The following THRA variants were observed in gnomAD, a reference collection of about 807,000 sequenced individuals.
THRA encodes the protein thyroid hormone receptor alpha, also known as EAR-7.
In THRA, 13 loss-of-function variants were observed where a neutral mutation model predicts 45.0. The observed-to-expected ratio is 0.29, with a 90% confidence interval of 0.19 to 0.46. The LOEUF (loss-of-function observed/expected upper bound fraction) is 0.46, where lower values mean the gene tolerates loss of function less well. Ranked by LOEUF, THRA falls within the 20% of genes least tolerant of loss-of-function variation. The probability of loss-of-function intolerance (pLI) is 1.00; values close to 1 mark genes in which losing one functional copy is unlikely to be tolerated. For missense variants in THRA, 278 were observed against 556.1 expected (o/e 0.50, Z 5.03); for synonymous variants, 195 against 214.0 (o/e 0.91, Z 0.78).
intron 7 of THRA, among the ~76,000 whole-genome samples, chr17:40,087,343 CACAG>C (rs2145082900): frequency 6.7e-6 from 1 of 148,574 alleles, no homozygotes; most frequent in African/African-American, 2.5e-5. Flanking sequence ...ACACCTAGCA[CACAG>C]ACACACAGAT....
At chr17:40,084,998 T>C (rs886803241) in intron 6 of THRA, among the ~76,000 whole-genome samples, 183 bp downstream of exon 6, 1 of 152,232 alleles carries the variant, frequency 6.6e-6, no homozygotes, top group African/African-American at 2.4e-5. Flanking sequence ...CTGGACTGTC[T>C]ACTCCATCCA....
intron 4 of THRA, among the ~76,000 whole-genome samples, chr17:40,079,411 A>AT (rs1987062877): frequency 1.3e-5 from 2 of 151,988 alleles, no homozygotes; most frequent in Non-Finnish European, 2.9e-5. Flanking sequence ...AGCCTGGCTA[A>AT]TTTTTGTATT....
rs1329640649 is a variant in THRA, at chr17:40,089,072, C to T, written c.983-134C>T. ...TGTCCACGTCTCTCAGGGGGAGCTT[C>T]TCCCCTCCCCTCCCCCAGCCTCTCT... is the stretch of plus-strand genomic sequence containing the variant. On this transcript the variant is annotated intron_variant, in intron 8 of 8. Coordinates refer to ENST00000450525, the MANE Select transcript of THRA (RefSeq NM_199334.5). The surrounding 1 kb of genome is among the most constrained non-coding windows in gnomAD (Gnocchi z 6.1). The T allele has an allele frequency of 1.1e-5, 7 of 631,026 alleles. No homozygotes were observed. Among genetic ancestry groups the T allele is most frequent in the African/African-American group, 2.0e-5 (1 of 51,190 alleles). 39.1% of individuals were successfully genotyped at this position (631,026 alleles called of 1,614,324 possible). A position where few individuals can be genotyped will look rare whatever the true frequency, so the allele number is the denominator to read the frequency against.
intron 1 of THRA, chr17:40,068,806 C>CT (rs1348108580): frequency 7.9e-5 from 12 of 152,380 alleles, no homozygotes; most frequent in African/African-American, 2.9e-4. Context: ...CTGCCTGTTT[C>CT]TTTTTCTCTT....
chr17:40,082,737 G>A (rs1456225802), intron 4 of THRA, among the ~76,000 whole-genome samples: 1 of 142,394 alleles, frequency 7.0e-6, no homozygotes, highest in Non-Finnish European at 1.5e-5. Flanking sequence ...TGTGATAACT[G>A]CTACACTATA....
chr17:40,088,209 G>T (rs768948635), intron 7 of THRA, 33 bp from the exon 8 acceptor site: 1 of 1,558,860 alleles, frequency 6.4e-7, no homozygotes, highest in Non-Finnish European at 8.7e-7. Flanking sequence ...GGAGGGGTAT[G>T]CTGAGTGCTC....
At chr17:40,084,566 A>T (rs1184112200) in intron 5 of THRA, 44 bp from the exon 6 acceptor site, 1 of 1,598,472 alleles carries the variant, frequency 6.3e-7, no homozygotes, top group Non-Finnish European at 8.6e-7. Flanking sequence ...TGGAAAGGGG[A>T]TGGAGGGTGC....
chr17:40,093,373 C>T (rs1233012465), downstream of THRA: 6 of 1,610,748 alleles, frequency 3.7e-6, no homozygotes, highest in East Asian at 2.2e-5. This position sits in a 1 kb window ranked among gnomAD's most constrained non-coding sequence, Gnocchi z 5.9. Context: ...GCAATGCAGC[C>T]TCTCCCTGAA....
At chr17:40,093,829 C>G, downstream of THRA, 1 of 1,263,804 alleles carries the variant, frequency 7.9e-7, no homozygotes. The surrounding 1 kb of genome is among the most constrained non-coding windows in gnomAD (Gnocchi z 5.9). Context: ...CAGGGCCTGG[C>G]ATAGAGTAGG....
chr17:40,076,618 T>C (rs1242803145), intron 2 of THRA, among the ~76,000 whole-genome samples: 1 of 152,202 alleles, frequency 6.6e-6, no homozygotes, highest in East Asian at 1.9e-4. Flanking sequence ...TCAGGTCTTC[T>C]GGCGGGTGAA....
chr17:40,070,461 T>C lies in THRA; in HGVS notation c.-297-3731T>C, dbSNP rs186664268. ...CCCTCAGCATGGGGGCACATGTCGCTGCTGCAGCACTGCCACCACCACAGA... is the reference window on the plus strand; with the variant it reads ...CCCTCAGCATGGGGGCACATGTCGCCGCTGCAGCACTGCCACCACCACAGA... On this transcript the variant is annotated intron_variant, in intron 1 of 8. Transcript: ENST00000450525. Among the ~76,000 whole-genome samples, 356 of 152,308 alleles carry C rather than the reference T, an allele frequency of 2.3e-3. 1 individual carries two copies. The highest frequency in any genetic ancestry group is 8.2e-3 in the African/African-American group (342 of 41,554).
intron 4 of THRA, among the ~76,000 whole-genome samples, chr17:40,082,654 G>T (rs1486028951): frequency 6.6e-6 from 1 of 151,606 alleles, no homozygotes; most frequent in South Asian, 2.1e-4. Context: ...GAGCCACCGC[G>T]CCCGGCCAAG....
At chr17:40,088,742 G>A (rs973674421) in intron 8 of THRA, among the ~76,000 whole-genome samples, 5 of 150,636 alleles carry the variant, frequency 3.3e-5, no homozygotes, top group Non-Finnish European at 5.9e-5. Context: ...CTTCCTTCTC[G>A]CTGCCCTGTC....
intron 3 of THRA, 79 bp from the exon 4 acceptor site, chr17:40,077,429 G>A (rs1986992676): frequency 1.5e-6 from 2 of 1,332,226 alleles, no homozygotes; most frequent in East Asian, 2.3e-5. Flanking sequence ...AAAAGTTGAG[G>A]GATGGGGAAA....
Position 40,089,601 on chromosome 17 carries a change from C to A in THRA, c.*145C>A. ...TAGATTCAGCTCCCACACACACACCCGCACTGCCCAGGTCCCTCCTCAGAC... is the reference window on the plus strand; with the variant it reads ...TAGATTCAGCTCCCACACACACACCAGCACTGCCCAGGTCCCTCCTCAGAC... On this transcript the variant is annotated 3_prime_UTR_variant, in exon 9 of 9. Coordinates refer to ENST00000450525, the MANE Select transcript of THRA (RefSeq NM_199334.5). This position sits in a 1 kb window ranked among gnomAD's most constrained non-coding sequence, Gnocchi z 6.1. 6.9e-7 allele frequency: 1 copy of A among 1,448,540 alleles called. No homozygotes were observed. The highest frequency in any genetic ancestry group is 9.0e-7 in the Non-Finnish European group (1 of 1,106,606). The allele number at this position is 1,448,540 out of a possible 1,614,324, so 89.7% of individuals were successfully genotyped here.
chr17:40,068,476 C>G (rs1986650483), intron 1 of THRA, among the ~76,000 whole-genome samples: 1 of 152,218 alleles, frequency 6.6e-6, no homozygotes, highest in Admixed American at 6.5e-5. Flanking sequence ...GTGGTTCCAC[C>G]TTGGTGTCAC....
rs570795766 is a variant in THRA, at chr17:40,063,627, G to C, written c.-298+535G>C. Among the ~76,000 whole-genome samples, 30 of 152,348 alleles carry C rather than the reference G, an allele frequency of 2.0e-4. No individual in the cohort carries two copies. The South Asian group carries it at 5.6e-3, about 28-fold the overall frequency. The stretch of plus-strand genomic sequence containing the variant: ...AGTTCCCCCGCCTCACCCGCCTCCC[G>C]GTTGAGCATGGCTGTCTGGTTGCAA... On this transcript the variant is annotated intron_variant, in intron 1 of 8. Coordinates refer to ENST00000450525, the MANE Select transcript of THRA (RefSeq NM_199334.5).
intron 2 of THRA, 61 bp from the exon 3 acceptor site, chr17:40,076,810 G>T (rs368550429): frequency 3.2e-6 from 5 of 1,565,926 alleles, no homozygotes; most frequent in Non-Finnish European, 4.4e-6. Flanking sequence ...TAAGCCTCTC[G>T]GATGAGAAAG....
intron 4 of THRA, among the ~76,000 whole-genome samples, chr17:40,078,727 C>CTTTTTTTTT (rs746350223): frequency 9.7e-6 from 1 of 102,638 alleles, no homozygotes. Flanking sequence ...CAGCCTTCAT[C>CTTTTTTTTT]TTTTTTTTTT....
Sources: allele counts gnomAD v4.1 joint callset (sites outside exome capture counted in the v4.1 genomes callset), GRCh38; gene constraint gnomAD v4.1.1; non-coding constraint Gnocchi (gnomAD v3.1); transcripts MANE v1.5; gene names NCBI Gene and HGNC (gene_info 2026-07-23, HGNC 2026-07-21).